VILL: variants seen among roughly 807,000 people sequenced by gnomAD.
VILL encodes the protein villin-like protein.
Under a neutral mutation model 106.3 loss-of-function variants are expected in VILL, and 102 were observed. That is an observed-to-expected ratio of 0.96 (90% CI 0.82 to 1.13). The LOEUF (loss-of-function observed/expected upper bound fraction) is 1.13, where lower values mean the gene tolerates loss of function less well. VILL is among the 50% of genes most tolerant of loss of function. VILL has a pLI of 0.00. For missense variants in VILL, 1,076 were observed against 1,116.6 expected, an observed-to-expected ratio of 0.96 and a Z score of 0.52; for synonymous variants, 431 against 440.3, an observed-to-expected ratio of 0.98 and a Z score of 0.27.
chr3:37,990,325 C>G (rs774288147), upstream of VILL, among the ~76,000 whole-genome samples: 2 of 152,198 alleles, frequency 1.3e-5, no homozygotes, highest in Non-Finnish European at 2.9e-5. This position sits in a 1 kb window ranked among gnomAD's most constrained non-coding sequence, Gnocchi z 5.1. Flanking sequence ...GCCCTGACCA[C>G]CTTCCCCTCC....
chr3:37,996,859 AT>A (rs1189846036), intron 5 of VILL, among the ~76,000 whole-genome samples: 1 of 152,148 alleles, frequency 6.6e-6, no homozygotes, highest in Non-Finnish European at 1.5e-5. Flanking sequence ...ACCTGTATAC[AT>A]GTGTACATGT....
At chr3:37,995,952 C>G (rs1378612635) in intron 5 of VILL, 105 bp downstream of exon 5, 1 of 847,252 alleles carries the variant, frequency 1.2e-6, no homozygotes, top group Non-Finnish European at 1.9e-6. Context: ...GAACAAGGAG[C>G]TGTCAGCATT....
At chr3:38,006,311 T>C in intron 18 of VILL, 59 bp downstream of exon 18, 2 of 1,612,738 alleles carry the variant, frequency 1.2e-6, no homozygotes, top group Non-Finnish European at 1.7e-6. Flanking sequence ...AGCATGGTCC[T>C]GATGGGCAGG....
In VILL at chr3:37,998,452, G is replaced by C. The variant is rs1343394140; in HGVS notation, c.942+88G>C. 3 of 1,204,226 alleles carry C rather than the reference G, an allele frequency of 2.5e-6. No homozygotes were observed. The highest frequency in any genetic ancestry group is 2.6e-5 in the South Asian group (2 of 78,318). The allele number at this position is 1,204,226 out of a possible 1,614,324, so 74.6% of individuals were successfully genotyped here. A position where few individuals can be genotyped will look rare whatever the true frequency, so the allele number is the denominator to read the frequency against. On this transcript the variant is annotated intron_variant, in intron 9 of 19. Transcript: ENST00000383759. The surrounding 1 kb of genome is among the most constrained non-coding windows in gnomAD (Gnocchi z 4.1). ...AGCTCCGCCCCAGGGTCTAAGGGAG[G>C]AATCAGCCCTCCCCTAGAGTTTGAG...
At chr3:38,006,312 G>C in intron 18 of VILL, 60 bp downstream of exon 18, 3 of 1,612,766 alleles carry the variant, frequency 1.9e-6, no homozygotes, top group Non-Finnish European at 2.5e-6. Context: ...GCATGGTCCT[G>C]ATGGGCAGGG....
chr3:38,001,794 T>C lies in VILL; in HGVS notation c.1413T>C (p.His471=). 1.2e-6 allele frequency: 2 copies of C among 1,614,202 alleles called. No individual in the cohort carries two copies. The highest frequency in any genetic ancestry group is 1.7e-6 in the Non-Finnish European group (2 of 1,180,006). The part of the protein sequence containing the change: ...VMYGGVLVQE[H]VTMGSEPPHF... ...ATGGTGGCGTCCTAGTACAGGAGCA[T>C]GTGACCATGGGCAGCGAGCCCCCCC... is the stretch of plus-strand genomic sequence containing the variant. Residue 471 remains histidine (H), a synonymous_variant, in exon 13 of 20, where the codon CAT becomes CAC. Transcript: ENST00000383759.
chr3:37,990,972 C>G lies in VILL; in HGVS notation c.-87+143C>G, dbSNP rs1156800935. The G allele has an allele frequency of 1.2e-4, 18 of 152,386 alleles. No individual in the cohort carries two copies. The highest frequency in any genetic ancestry group is 1.2e-3 in the Admixed American group (18 of 15,282). The allele number at this position is 152,386 out of a possible 1,614,324, so 9.4% of individuals were successfully genotyped here. ...CCGCGGCAGAATTGGGAGGCGGCAG[C>G]AGCCCAGCAGGTGAAAACACTGATG... On this transcript the variant is annotated intron_variant, in intron 1 of 19. Coordinates refer to ENST00000383759, the MANE Select transcript of VILL (RefSeq NM_015873.4). The surrounding 1 kb of genome is among the most constrained non-coding windows in gnomAD (Gnocchi z 5.1).
Position 37,993,919 on chromosome 3 carries a change from C to T in VILL, c.82C>T (p.Pro28Ser), listed in dbSNP as rs199946533. Residue 28 changes from proline to serine, a missense_variant, in exon 3 of 20, where the codon CCC becomes TCC. Transcript: ENST00000383759. ...ISENRKMVPV[P>S]EGAYGNFFEE... ...CCAGAACCGGAAGATGGTGCCGGTA[C>T]CCGAGGGGGCTTACGGGAACTTTTT... The T allele has an allele frequency of 6.2e-7, 1 of 1,614,214 alleles. No homozygotes were observed. The highest frequency in any genetic ancestry group is 8.5e-7 in the Non-Finnish European group (1 of 1,180,040).
chr3:37,997,296 C>A lies in VILL; in HGVS notation c.561+109C>A. On this transcript the variant is annotated intron_variant, in intron 6 of 19. Transcript: ENST00000383759. This position sits in a 1 kb window ranked among gnomAD's most constrained non-coding sequence, Gnocchi z 4.7. ...GAGTTGGGCTTGGCTCTGCTACAAC[C>A]CAAGAAACGCCTATGAGTTACAAGC... 1 of 1,253,280 alleles carries A rather than the reference C, an allele frequency of 8.0e-7. No individual in the cohort carries two copies. Among genetic ancestry groups the A allele is most frequent in the Non-Finnish European group, 1.1e-6 (1 of 880,710 alleles). The allele number at this position is 1,253,280 out of a possible 1,614,324, so 77.6% of individuals were successfully genotyped here.
chr3:37,989,166 T>C (rs1699581938), upstream of VILL, among the ~76,000 whole-genome samples: 1 of 152,096 alleles, frequency 6.6e-6, no homozygotes, highest in Admixed American at 6.5e-5. Context: ...TCAGGGCAAC[T>C]CCAGGTTTGG....
At position 37,999,035 on chromosome 3, in the gene VILL, A is replaced by C. The variant is rs752570500; in HGVS notation, c.1066A>C (p.Lys356Gln). ...GTCTGAGAAGCGGCGCAGGAACCAG[A>C]AGCTCGGCGGGAGGGGTGAGCGGGC... ...TWSEKRRRNQKLGGRDKSIHV... is the reference protein window; with the variant it reads ...TWSEKRRRNQQLGGRDKSIHV... Residue 356 changes from lysine to glutamine, a missense_variant, in exon 10 of 20, where the codon AAG becomes CAG. Coordinates refer to ENST00000383759, the MANE Select transcript of VILL (RefSeq NM_015873.4). 6.4e-7 allele frequency: 1 copy of C among 1,567,230 alleles called. No individual in the cohort carries two copies. The highest frequency in any genetic ancestry group is 8.7e-7 in the Non-Finnish European group (1 of 1,152,628).
In VILL at chr3:37,994,388, G is replaced by T. The variant is rs774290106; in HGVS notation, c.263G>T (p.Gly88Val). The T allele has an allele frequency of 1.2e-5, 19 of 1,612,438 alleles. No homozygotes were observed. Among genetic ancestry groups the T allele is most frequent in the Non-Finnish European group, 1.6e-5 (19 of 1,179,838 alleles). Residue 88 changes from glycine to valine, a missense_variant, in exon 4 of 20, where the codon GGG (glycine) becomes GTG (valine). Transcript: ENST00000383759. ...CAGCAGCGCCTACAGGACGAGCTGG[G>T]GGGCCAGACCGTGCTGCACCGCGAG... ...AFQQRLQDEL[G>V]GQTVLHREAQ... is the part of the protein sequence containing the mutation.
In VILL at chr3:37,999,373, G is replaced by A; in HGVS notation, c.1116G>A (p.Lys372=). 2 of 1,512,724 alleles carry A rather than the reference G, an allele frequency of 1.3e-6. No individual in the cohort carries two copies. Among genetic ancestry groups the A allele is most frequent in the Non-Finnish European group, 1.8e-6 (2 of 1,133,692 alleles). The allele number at this position is 1,512,724 out of a possible 1,614,324, so 93.7% of individuals were successfully genotyped here. The change falls in exon 11 of 20, where the codon AAG becomes AAA. Residue 372 remains lysine, a synonymous_variant. Coordinates refer to ENST00000383759, the MANE Select transcript of VILL (RefSeq NM_015873.4). ...KSIHVKLDVG[K]LHTQPKLAAQ... is the part of the protein sequence containing the mutation. The stretch of plus-strand genomic sequence containing the variant: ...TTCATGTAAAGCTGGACGTGGGCAA[G>A]CTGCACACCCAGCCTAAGTTAGCGG...
chr3:38,004,466 G>A (rs1269804141), intron 16 of VILL, 67 bp downstream of exon 16: 11 of 1,563,820 alleles, frequency 7.0e-6, no homozygotes, highest in African/African-American at 1.3e-5. Context: ...GTAACTGGGT[G>A]TGTGTGTATC....
intron 16 of VILL, among the ~76,000 whole-genome samples, chr3:38,004,664 T>C (rs1397153517): frequency 6.6e-6 from 1 of 152,208 alleles, no homozygotes; most frequent in Non-Finnish European, 1.5e-5. Flanking sequence ...TGTGTGGCCC[T>C]GTGTGCCTTA....
intron 5 of VILL, 106 bp downstream of exon 5, chr3:37,995,953 T>G (rs1471155110): frequency 1.2e-6 from 1 of 842,460 alleles, no homozygotes; most frequent in Non-Finnish European, 1.9e-6. Context: ...AACAAGGAGC[T>G]GTCAGCATTC....
At position 38,005,774 on chromosome 3, in the gene VILL, G is replaced by T. The variant is rs768149950; in HGVS notation, c.1951-18G>T. 8 of 1,597,836 alleles carry T rather than the reference G, an allele frequency of 5.0e-6. No individual in the cohort carries two copies. The highest frequency in any genetic ancestry group is 6.8e-6 in the Non-Finnish European group (8 of 1,171,638). On this transcript the variant is annotated intron_variant, in intron 16 of 19. Transcript: ENST00000383759. ...AGCCCCTCCACCTGCCCAAGGCCAG[G>T]TCCCCTCTGTGGCTCAGATCTTCCT...
At position 37,997,250 on chromosome 3, in the gene VILL, A is replaced by G; in HGVS notation, c.561+63A>G. 6.5e-7 allele frequency: 1 copy of G among 1,539,186 alleles called. No individual in the cohort carries two copies. Among genetic ancestry groups the G allele is most frequent in the Non-Finnish European group, 9.0e-7 (1 of 1,115,418 alleles). On this transcript the variant is annotated intron_variant, in intron 6 of 19. Coordinates refer to ENST00000383759, the MANE Select transcript of VILL (RefSeq NM_015873.4). This position sits in a 1 kb window ranked among gnomAD's most constrained non-coding sequence, Gnocchi z 4.7. ...TGGGCGGGGAATGATCCTCCAGTTGACCATCCTCCGGCCACCCAAAGAGTT... is the reference window on the plus strand; with the variant it reads ...TGGGCGGGGAATGATCCTCCAGTTGGCCATCCTCCGGCCACCCAAAGAGTT...
At position 38,002,488 on chromosome 3, in the gene VILL, G is replaced by A. The variant is rs1043887686; in HGVS notation, c.1572G>A (p.Met524Ile). The A allele has an allele frequency of 6.8e-6, 11 of 1,614,050 alleles. No homozygotes were observed. The highest frequency in any genetic ancestry group is 9.3e-6 in the Non-Finnish European group (11 of 1,180,006). ...CTGACAGCCACAACACCAGGACCAT[G>A]GAGGTGCCAGCCCGTGCCTCATCCC... Reference protein sequence around the residue: ...QGTDSHNTRTMEVPARASSLN... With the variant: ...QGTDSHNTRTIEVPARASSLN... The change falls in exon 14 of 20, where the codon ATG becomes ATA. Residue 524 changes from methionine to isoleucine, a missense_variant. Met to Ile is a conservative substitution (Grantham distance 10). Transcript: ENST00000383759.
Sources: allele counts gnomAD v4.1 joint callset (sites outside exome capture counted in the v4.1 genomes callset), GRCh38; gene constraint gnomAD v4.1.1; non-coding constraint Gnocchi (gnomAD v3.1); transcripts MANE v1.5; gene names NCBI Gene and HGNC (gene_info 2026-07-23, HGNC 2026-07-21).